PSMD13: variants seen among roughly 807,000 people sequenced by gnomAD.
PSMD13 encodes proteasome 26S subunit, non-ATPase 13.
PSMD13 carries 8 observed loss-of-function variants against 57.4 expected under a neutral mutation model. That is an observed-to-expected ratio of 0.14 (90% CI 0.08 to 0.25). The LOEUF is 0.25. PSMD13 is among the 10% of genes least tolerant of loss of function. The pLI is 1.00. For synonymous variants in PSMD13, 193 were observed against 168.2 expected (o/e 1.15, Z -1.14); for missense variants, 400 against 461.5 (o/e 0.87, Z 1.22).
In PSMD13 at chr11:251,959, T is replaced by G; in HGVS notation, c.1035+23T>G. 1 of 1,595,922 alleles carries G rather than the reference T, an allele frequency of 6.3e-7. No individual in the cohort carries two copies. The highest frequency in any genetic ancestry group is 8.6e-7 in the Non-Finnish European group (1 of 1,164,484). ...CAGGTGATGTGTTTGAAACCCATTATTCACCTCTGTGGATTTTGAGGGGTT... is the reference window on the plus strand; with the variant it reads ...CAGGTGATGTGTTTGAAACCCATTAGTCACCTCTGTGGATTTTGAGGGGTT... On this transcript the variant is annotated intron_variant, in intron 12 of 12. Coordinates refer to ENST00000532097, the MANE Select transcript of PSMD13 (RefSeq NM_002817.4). The surrounding 1 kb of genome is among the most constrained non-coding windows in gnomAD (Gnocchi z 4.6).
At chr11:249,082 C>T (rs1245323244) in intron 9 of PSMD13, 25 bp downstream of exon 9, 1 of 1,607,734 alleles carries the variant, frequency 6.2e-7, no homozygotes. Flanking sequence ...ATGCCCAGCC[C>T]TTATTCCCCC....
intron 6 of PSMD13, among the ~76,000 whole-genome samples, chr11:245,603 A>C (rs917910889): frequency 3.3e-5 from 5 of 151,696 alleles, no homozygotes; most frequent in Non-Finnish European, 5.9e-5. Context: ...GGTGGCAGTG[A>C]AACCGACATG....
At chr11:237,244 G>C (rs1207650041) in intron 1 of PSMD13, 100 bp downstream of exon 1, 4 of 1,153,102 alleles carry the variant, frequency 3.5e-6, no homozygotes. Context: ...AGGGCGCCCA[G>C]ACCCAAGTTG....
At position 251,427 on chromosome 11, in the gene PSMD13, A is replaced by T; in HGVS notation, c.838-119A>T. Reference sequence around the variant, plus strand: ...TATGTCTAATATTAGGAAACTTTTTAGTATGTGGGGTACTAATAAGATCTC... The same window carrying T: ...TATGTCTAATATTAGGAAACTTTTTTGTATGTGGGGTACTAATAAGATCTC... On this transcript the variant is annotated intron_variant, in intron 10 of 12. Coordinates refer to ENST00000532097, the MANE Select transcript of PSMD13 (RefSeq NM_002817.4). The surrounding 1 kb of genome is among the most constrained non-coding windows in gnomAD (Gnocchi z 4.6). The T allele has an allele frequency of 1.2e-6, 1 of 848,036 alleles. No homozygotes were observed. Among genetic ancestry groups the T allele is most frequent in the Non-Finnish European group, 1.8e-6 (1 of 549,912 alleles). The allele number at this position is 848,036 out of a possible 1,614,324, so 52.5% of individuals were successfully genotyped here.
chr11:249,595 AGGGGG>A, intron 9 of PSMD13, among the ~76,000 whole-genome samples: 1 of 12,154 alleles, frequency 8.2e-5, no homozygotes, highest in East Asian at 1.5e-3. Context: ...GGGTGCGGGG[AGGGGG>A]AGAGCGGCGG....
intron 1 of PSMD13, 136 bp downstream of exon 1, chr11:237,280 C>T (rs955615253): frequency 2.6e-6 from 2 of 773,610 alleles, no homozygotes; most frequent in Admixed American, 3.0e-5. Context: ...GTGTAGCGAC[C>T]GGCTGTGCCG....
chr11:251,760 C>G lies in PSMD13; in HGVS notation c.919-60C>G, dbSNP rs769011721. 58 of 1,563,932 alleles carry G rather than the reference C, an allele frequency of 3.7e-5. No homozygotes were observed. The highest frequency in any genetic ancestry group is 4.7e-5 in the Non-Finnish European group (53 of 1,137,402). ...GCGGCATCTGCTTCTCACAAGCCAT[C>G]TGGGTCCATGGGGGTGTGTCAGGCT... On this transcript the variant is annotated intron_variant, in intron 11 of 12. Coordinates refer to ENST00000532097, the MANE Select transcript of PSMD13 (RefSeq NM_002817.4). This position sits in a 1 kb window ranked among gnomAD's most constrained non-coding sequence, Gnocchi z 4.6.
chr11:245,610 CAT>C (rs1309361447), intron 6 of PSMD13, among the ~76,000 whole-genome samples: 7 of 150,044 alleles, frequency 4.7e-5, no homozygotes, highest in East Asian at 2.0e-4. Flanking sequence ...GTGAAACCGA[CAT>C]GTGGCTGGTC....
chr11:245,702 TTGTGTGTGTTTG>T (rs1413543230), intron 6 of PSMD13, among the ~76,000 whole-genome samples: 23 of 31,714 alleles, frequency 7.3e-4, no homozygotes, highest in Non-Finnish European at 9.3e-4. Context: ...GTTCGTGTGT[TTGTGTGTGTTTG>T]TGTGTGTGTG....
chr11:245,142 C>T (rs1458555033), intron 6 of PSMD13, among the ~76,000 whole-genome samples: 1 of 152,104 alleles, frequency 6.6e-6, no homozygotes, highest in Non-Finnish European at 1.5e-5. Context: ...AGGGTTTCGC[C>T]ATGTTGGCCA....
At position 252,577 on chromosome 11, in the gene PSMD13, C is replaced by G; in HGVS notation, c.1108C>G (p.Gln370Glu). 6.2e-7 allele frequency: 1 copy of G among 1,614,142 alleles called. No individual in the cohort carries two copies. The highest frequency in any genetic ancestry group is 8.5e-7 in the Non-Finnish European group (1 of 1,180,016). The change falls in exon 13 of 13, where the codon CAG becomes GAG. Residue 370 changes from glutamine (Q) to glutamate (E), a missense_variant. By Grantham distance (29) the Gln-to-Glu change is conservative (BLOSUM62 2). Coordinates refer to ENST00000532097, the MANE Select transcript of PSMD13 (RefSeq NM_002817.4). The surrounding 1 kb of genome is among the most constrained non-coding windows in gnomAD (Gnocchi z 4.1). ...VKSMEMLVEH[Q>E]AHDILT ...GAGCATGGAGATGCTGGTGGAGCAC[C>G]AGGCCCATGACATCCTCACCTAGGG...
rs61876211 is a variant in PSMD13 at position 249,621 on chromosome 11, A to C, written c.774+564A>C. ...GGGGGAGAGCGGCGGGTGCGGGGAG[A>C]GGGAGAGGTCCATGCAGGGAGAACA... On this transcript the variant is annotated intron_variant, in intron 9 of 12. Transcript: ENST00000532097. Among the ~76,000 whole-genome samples the C allele has an allele frequency of 1.4e-4, 9 of 63,008 alleles. 1 individual carries two copies. The highest frequency in any genetic ancestry group is 4.9e-4 in the African/African-American group (7 of 14,150). 41.3% of individuals were successfully genotyped at this position (63,008 alleles called of 152,430 possible).
In PSMD13 at chr11:251,054, TAGCTC is replaced by T. The variant is rs1859757104; in HGVS notation, c.837+192_837+196del. On this transcript the variant is annotated intron_variant, in intron 10 of 12. Transcript: ENST00000532097. This position sits in a 1 kb window ranked among gnomAD's most constrained non-coding sequence, Gnocchi z 4.6. The stretch of plus-strand genomic sequence containing the variant: ...CTCTTCTAAGTTTATATTTGGCTCT[TAGCTC>T]AGACGACACCCTCCCACCCCACTGC... 3.4e-6 allele frequency: 2 copies of T among 588,228 alleles called. No homozygotes were observed. The highest frequency in any genetic ancestry group is 4.7e-4 in the Middle Eastern group (1 of 2,140). 36.4% of individuals were successfully genotyped at this position (588,228 alleles called of 1,614,324 possible). A position where few individuals can be genotyped will look rare whatever the true frequency, so the allele number is the denominator to read the frequency against.
chr11:238,144 A>C (rs1407843992), intron 1 of PSMD13, among the ~76,000 whole-genome samples: 1 of 152,210 alleles, frequency 6.6e-6, no homozygotes, highest in Non-Finnish European at 1.5e-5. Flanking sequence ...TGAGGTTTTA[A>C]ATATTAGCTT....
At chr11:245,640 ACGTG>A (rs1488344693) in intron 6 of PSMD13, among the ~76,000 whole-genome samples, 1 of 80,722 alleles carries the variant, frequency 1.2e-5, no homozygotes, top group African/African-American at 5.8e-5. Flanking sequence ...TTGAACCAGA[ACGTG>A]TGTGTGTGTG....
At position 252,923 on chromosome 11, in the gene PSMD13, C is replaced by T. The variant is rs186582362; in HGVS notation, c.*323C>T. On this transcript the variant is annotated 3_prime_UTR_variant, in exon 13 of 13. Coordinates refer to ENST00000532097, the MANE Select transcript of PSMD13 (RefSeq NM_002817.4). The surrounding 1 kb of genome is among the most constrained non-coding windows in gnomAD (Gnocchi z 4.1). ...GGATCTCCATCCCCATCCACCTGTA[C>T]GGACATCTTTTCCGTTGCGGTTTGA... The T allele has an allele frequency of 5.6e-5, 14 of 250,220 alleles. No individual in the cohort carries two copies. The highest frequency in any genetic ancestry group is 8.7e-5 in the Non-Finnish European group (11 of 126,378). 15.5% of individuals were successfully genotyped at this position (250,220 alleles called of 1,614,324 possible).
At chr11:240,361 C>T (rs1380842217) in intron 2 of PSMD13, among the ~76,000 whole-genome samples, 3 of 152,122 alleles carry the variant, frequency 2.0e-5, no homozygotes, top group Admixed American at 6.5e-5. Context: ...ATCTGCCTGC[C>T]TTGGCCTCCC....
rs769104294 is a variant in PSMD13, at chr11:237,094, G to T, written c.45G>T (p.Gly15=). 11 of 1,613,814 alleles carry T rather than the reference G, an allele frequency of 6.8e-6. No individual in the cohort carries two copies. Among genetic ancestry groups the T allele is most frequent in the Non-Finnish European group, 9.3e-6 (11 of 1,179,852 alleles). Residue 15 remains glycine, a synonymous_variant, in exon 1 of 13, where the codon GGG becomes GGT. Transcript: ENST00000532097. ...PGFLQQSQNS[G]PGQPAVWHRL... ...TCCTACAGCAGAGCCAGAACTCCGG[G>T]CCCGGGCAGCCCGCTGTGTGGCACC...
intron 1 of PSMD13, among the ~76,000 whole-genome samples, chr11:238,694 T>A (rs1859448542): frequency 6.6e-6 from 1 of 152,160 alleles, no homozygotes; most frequent in South Asian, 2.1e-4. Flanking sequence ...AGAAATGCAT[T>A]GGGGCAAAAG....
Sources: allele counts gnomAD v4.1 joint callset (sites outside exome capture counted in the v4.1 genomes callset), GRCh38; gene constraint gnomAD v4.1.1; non-coding constraint Gnocchi (gnomAD v3.1); transcripts MANE v1.5; gene names NCBI Gene and HGNC (gene_info 2026-07-23, HGNC 2026-07-21).